ZNG1B: variants seen among roughly 807,000 people sequenced by gnomAD.
ZNG1B encodes zinc-regulated GTPase metalloprotein activator 1B.
chr2:113,443,557 C>CT, the ZNG1B span, among the ~76,000 whole-genome samples: 1 of 140,300 alleles, frequency 7.1e-6, no homozygotes, highest in Non-Finnish European at 1.5e-5. Flanking sequence ...TAGGATGTGT[C>CT]TTTTTCAGGG....
chr2:113,471,012 C>T, the ZNG1B span: 38 of 1,577,090 alleles, frequency 2.4e-5, no homozygotes, highest in East Asian at 2.2e-5. Flanking sequence ...CAACTGCTCA[C>T]GTTAGTTTTC....
chr2:113,437,865 C>G, the ZNG1B span: 4 of 1,611,756 alleles, frequency 2.5e-6, no homozygotes, highest in Non-Finnish European at 1.7e-6. Flanking sequence ...TGCTGTAGGC[C>G]GGAATGTTAC....
At chr2:113,453,418 A>T in the ZNG1B span, among the ~76,000 whole-genome samples, 20,923 of 149,308 alleles carry the variant, frequency 0.14, 1,546 homozygotes, top group East Asian at 0.28. Context: ...GTACCTGGCT[A>T]ATTTTTGGAT....
chr2:113,437,850 G>C, the ZNG1B span: 6 of 1,611,328 alleles, frequency 3.7e-6, no homozygotes, highest in Non-Finnish European at 4.2e-6. Context: ...GCTGAGGTAG[G>C]GACGTGCTGT....
the ZNG1B span, among the ~76,000 whole-genome samples, chr2:113,453,498 C>A: frequency 6.6e-5 from 10 of 151,358 alleles, no homozygotes; most frequent in South Asian, 2.1e-3. Context: ...GGTGATCCGC[C>A]AGCCTCGGCC....
the ZNG1B span, among the ~76,000 whole-genome samples, chr2:113,488,482 C>T: frequency 3.9e-5 from 6 of 152,066 alleles, no homozygotes; most frequent in African/African-American, 1.2e-4. Flanking sequence ...CAAAAAATCA[C>T]ACTAGCTCAC....
chr2:113,441,654 TA>T, the ZNG1B span: 1 of 228,864 alleles, frequency 4.4e-6, no homozygotes, highest in Non-Finnish European at 9.4e-6. Context: ...TTGGAATTCT[TA>T]TTAACAGAAT....
the ZNG1B span, among the ~76,000 whole-genome samples, chr2:113,464,083 A>G: frequency 2.9e-5 from 4 of 139,174 alleles, no homozygotes; most frequent in Admixed American, 2.9e-4. Context: ...GACCTAAGCT[A>G]AATCTCTGAC....
chr2:113,464,882 G>T, the ZNG1B span, among the ~76,000 whole-genome samples: 1 of 152,082 alleles, frequency 6.6e-6, no homozygotes, highest in African/African-American at 2.4e-5. Flanking sequence ...TAATCTGACA[G>T]TTGTGCGAAT....
At chr2:113,457,059 T>A in the ZNG1B span, 1 of 454,680 alleles carries the variant, frequency 2.2e-6, no homozygotes, top group Admixed American at 2.3e-5. Context: ...CATTTTTTAA[T>A]CATAGGCAAA....
the ZNG1B span, among the ~76,000 whole-genome samples, chr2:113,477,937 T>G: frequency 2.3e-4 from 35 of 152,364 alleles, no homozygotes; most frequent in African/African-American, 7.5e-4. Context: ...TGTGACTGGT[T>G]TATTTCACGT....
the ZNG1B span, among the ~76,000 whole-genome samples, chr2:113,476,395 AT>A: frequency 2.7e-5 from 4 of 149,174 alleles, no homozygotes; most frequent in Admixed American, 2.7e-4. Flanking sequence ...ATTCTTCTAA[AT>A]TTTTTTCAAA....
At chr2:113,441,023 C>G in the ZNG1B span, among the ~76,000 whole-genome samples, 4 of 149,176 alleles carry the variant, frequency 2.7e-5, no homozygotes, top group Admixed American at 6.7e-5. Flanking sequence ...ATATAGTCAG[C>G]CTGAAGTTGC....
At chr2:113,476,058 T>G in the ZNG1B span, among the ~76,000 whole-genome samples, 1 of 151,910 alleles carries the variant, frequency 6.6e-6, no homozygotes, top group Non-Finnish European at 1.5e-5. Context: ...TTGGGGAAGT[T>G]CTCCTGGATA....
chr2:113,439,130 A>C, the ZNG1B span: 30 of 1,474,946 alleles, frequency 2.0e-5, no homozygotes, highest in Non-Finnish European at 2.7e-5. Flanking sequence ...AGGTCAGTAG[A>C]TCACTGGAGA....
At chr2:113,441,185 A>G in the ZNG1B span, among the ~76,000 whole-genome samples, 1 of 152,204 alleles carries the variant, frequency 6.6e-6, no homozygotes, top group South Asian at 2.1e-4. Context: ...GTATTTTGCA[A>G]CAGGTTTCAA....
chr2:113,480,320 C>CT, the ZNG1B span, among the ~76,000 whole-genome samples: 2 of 151,872 alleles, frequency 1.3e-5, no homozygotes, highest in South Asian at 4.2e-4. Flanking sequence ...TTTATTGTTA[C>CT]TTTTTTGTAG....
the ZNG1B span, among the ~76,000 whole-genome samples, chr2:113,489,765 A>G: frequency 1.6e-4 from 24 of 150,352 alleles, no homozygotes; most frequent in South Asian, 4.9e-3. Context: ...TAAAAAGACA[A>G]AGAGGGACAT....
chr2:113,465,233 T>C, the ZNG1B span: 9 of 472,574 alleles, frequency 1.9e-5, no homozygotes, highest in Non-Finnish European at 3.0e-5. Context: ...ATAATAAACA[T>C]TAAATAATTG....
Sources: allele counts gnomAD v4.1 joint callset (sites outside exome capture counted in the v4.1 genomes callset), GRCh38; gene constraint gnomAD v4.1.1; transcripts MANE v1.5; gene names NCBI Gene and HGNC (gene_info 2026-07-23, HGNC 2026-07-21).